The following DHRSX variants were observed in gnomAD, a reference collection of about 807,000 sequenced individuals.
The protein encoded by DHRSX is dehydrogenase/reductase X-linked.
DHRSX carries 31 observed loss-of-function variants against 34.0 expected under a neutral mutation model. That is an observed-to-expected ratio of 0.91 (90% CI 0.69 to 1.23). The LOEUF (loss-of-function observed/expected upper bound fraction) is 1.23. DHRSX is among the 50% of genes most tolerant of loss of function. DHRSX has a pLI of 0.00. For synonymous variants in DHRSX, 201 were observed against 183.8 expected, an observed-to-expected ratio of 1.09 and a Z score of -0.76; for missense variants, 414 against 428.1, an observed-to-expected ratio of 0.97 and a Z score of 0.29.
At chrX:2,236,344 C>T (rs902769331) in intron 6 of DHRSX, among the ~76,000 whole-genome samples, 4 of 152,122 alleles carry the variant, frequency 2.6e-5, no homozygotes, top group African/African-American at 7.2e-5. Context: ...GAAGGGCGTG[C>T]GTGGAGGAGG....
chrX:2,314,225 G>T (rs773034697), intron 3 of DHRSX, among the ~76,000 whole-genome samples: 3,734 of 17,064 alleles, frequency 0.22, 423 homozygotes, highest in Non-Finnish European at 0.31. Flanking sequence ...AAGGAGGGAA[G>T]GAAGGGAGGG....
At position 2,500,897 on chromosome X, in the gene DHRSX, G is replaced by GCCGC; in HGVS notation, c.25_28dup (p.Ala10GlyfsTer35). 6.2e-6 allele frequency: 7 copies of GCCGC among 1,126,962 alleles called. No homozygotes were observed. Among genetic ancestry groups the GCCGC allele is most frequent in the Non-Finnish European group, 7.6e-6 (7 of 917,898 alleles). The allele number at this position is 1,126,962 out of a possible 1,614,324, so 69.8% of individuals were successfully genotyped here. On this transcript the variant is annotated frameshift_variant, in exon 1 of 7. Transcript: ENST00000334651. LOFTEE classifies it high-confidence loss of function. ...GGCGCCTACCGCGTAGACCCGCAGG[G>GCCGC]CCGCCCGCGCCGCAGACAATGGCGA...
At chrX:2,444,010 GAA>G (rs569503260) in intron 1 of DHRSX, among the ~76,000 whole-genome samples, 1 of 102,264 alleles carries the variant, frequency 9.8e-6, no homozygotes. Context: ...GTCTCAAAAA[GAA>G]AAAAAAAAAA....
intron 5 of DHRSX, among the ~76,000 whole-genome samples, chrX:2,260,649 CAG>C (rs1366245316): frequency 3.3e-5 from 5 of 151,870 alleles, no homozygotes; most frequent in African/African-American, 4.8e-5. Flanking sequence ...TTAGTAGAGA[CAG>C]GGTTTCATCA....
chrX:2,221,293 G>A, intron 6 of DHRSX, 64 bp from the exon 7 acceptor site: 1 of 1,508,826 alleles, frequency 6.6e-7, no homozygotes, highest in Non-Finnish European at 9.1e-7. Context: ...AGGAGTCTCA[G>A]GACTCACATG....
chrX:2,296,092 GCAA>G (rs1216225571), intron 3 of DHRSX, among the ~76,000 whole-genome samples: 6 of 152,204 alleles, frequency 3.9e-5, no homozygotes, highest in African/African-American at 1.2e-4. Context: ...TTCCGCAATC[GCAA>G]CGACAGTACC....
chrX:2,370,822 A>T (rs2043049313), intron 3 of DHRSX, among the ~76,000 whole-genome samples: 1 of 152,066 alleles, frequency 6.6e-6, no homozygotes, highest in Admixed American at 6.6e-5. Flanking sequence ...CCTCACCTGG[A>T]GCAAACGTCA....
chrX:2,481,502 C>T (rs1475042077), intron 1 of DHRSX, among the ~76,000 whole-genome samples: 4 of 151,940 alleles, frequency 2.6e-5, no homozygotes, highest in East Asian at 1.9e-4. Context: ...CCCGTCTCTA[C>T]GAAAAATATA....
chrX:2,243,880 G>A (rs373365167), intron 5 of DHRSX, among the ~76,000 whole-genome samples: 12 of 137,618 alleles, frequency 8.7e-5, no homozygotes, highest in African/African-American at 3.1e-4. Flanking sequence ...AGCGAATCTC[G>A]TGCCTCAGCC....
At chrX:2,446,249 C>A (rs1189972310) in intron 1 of DHRSX, among the ~76,000 whole-genome samples, 6 of 151,630 alleles carry the variant, frequency 4.0e-5, no homozygotes, top group African/African-American at 1.5e-4. Flanking sequence ...GCCAAGGGAC[C>A]CACACCATGT....
intron 1 of DHRSX, among the ~76,000 whole-genome samples, chrX:2,459,474 A>G (rs2044366734): frequency 2.0e-5 from 3 of 150,606 alleles, no homozygotes; most frequent in South Asian, 2.1e-4. Flanking sequence ...TGGTTTAATC[A>G]CTGCACAATG....
intron 3 of DHRSX, among the ~76,000 whole-genome samples, chrX:2,308,296 G>C (rs892282620): frequency 6.6e-6 from 1 of 152,040 alleles, no homozygotes; most frequent in Non-Finnish European, 1.5e-5. Context: ...CCTACACTCA[G>C]AGCCTGTGAA....
intron 3 of DHRSX, among the ~76,000 whole-genome samples, chrX:2,355,772 A>T (rs887948248): frequency 9.9e-5 from 15 of 152,022 alleles, no homozygotes; most frequent in Non-Finnish European, 1.5e-5. Context: ...CAAAATCAAG[A>T]ATGAGGAGAC....
chrX:2,231,392 T>A (rs1383812356), intron 6 of DHRSX, among the ~76,000 whole-genome samples: 1 of 151,936 alleles, frequency 6.6e-6, no homozygotes, highest in Non-Finnish European at 1.5e-5. Context: ...TCCCTCTCTC[T>A]CACACCCTTC....
At chrX:2,268,082 C>T (rs1008208680) in intron 4 of DHRSX, among the ~76,000 whole-genome samples, 10 of 152,332 alleles carry the variant, frequency 6.6e-5, no homozygotes, top group African/African-American at 1.9e-4. Context: ...GACCACAGGG[C>T]AGCCCTGTCG....
At chrX:2,221,302 T>A in intron 6 of DHRSX, 73 bp from the exon 7 acceptor site, 4 of 1,481,850 alleles carry the variant, frequency 2.7e-6, no homozygotes, top group Non-Finnish European at 3.7e-6. Context: ...AGGACTCACA[T>A]GGATGCTGCA....
chrX:2,295,338 C>T (rs1193311337), intron 3 of DHRSX, among the ~76,000 whole-genome samples: 1 of 152,170 alleles, frequency 6.6e-6, no homozygotes, highest in Non-Finnish European at 1.5e-5. Context: ...GAAAACCAAA[C>T]ACTGCATGTT....
chrX:2,344,923 T>A (rs1288650170), intron 3 of DHRSX, among the ~76,000 whole-genome samples: 1 of 141,306 alleles, frequency 7.1e-6, no homozygotes, highest in Non-Finnish European at 1.5e-5. Context: ...ATACTGTATT[T>A]ATTTAATAAA....
intron 1 of DHRSX, among the ~76,000 whole-genome samples, chrX:2,427,227 C>G (rs779817733): frequency 6.6e-5 from 10 of 152,226 alleles, no homozygotes; most frequent in Admixed American, 5.9e-4. Flanking sequence ...TGGGATATTC[C>G]AGGAAGAGGA....
Sources: gnomAD v4.1 joint callset for allele counts (sites outside exome capture counted in the v4.1 genomes callset) on GRCh38, gnomAD v4.1.1 for gene constraint, MANE v1.5 for transcripts, NCBI Gene and HGNC (gene_info 2026-07-23, HGNC 2026-07-21) for gene names.